The following ATP7B variants were observed in gnomAD, a reference collection of about 807,000 sequenced individuals.
ATP7B encodes ATPase copper transporting beta.
In ATP7B, 113 loss-of-function variants were observed where a neutral mutation model predicts 118.9. The observed-to-expected ratio is 0.95, with a 90% confidence interval of 0.82 to 1.11. The LOEUF is 1.11. ATP7B is among the 50% of genes most tolerant of loss of function. The pLI is 0.00. For missense variants in ATP7B, 1,867 were observed against 1,871.4 expected, an observed-to-expected ratio of 1.00 and a Z score of 0.04; for synonymous variants, 777 against 727.4, an observed-to-expected ratio of 1.07 and a Z score of -1.10.
intron 17 of ATP7B, among the ~76,000 whole-genome samples, chr13:51,938,505 A>T (rs552219158): frequency 8.5e-4 from 130 of 152,390 alleles, no homozygotes; most frequent in African/African-American, 3.0e-3. Context: ...CTCAAGGAAC[A>T]CAATTAAGCT....
chr13:51,958,502 G>C lies in ATP7B; in HGVS notation c.2164C>G (p.Leu722Val). 1 of 1,614,226 alleles carries C rather than the reference G, an allele frequency of 6.2e-7. No individual in the cohort carries two copies. Among genetic ancestry groups the C allele is most frequent in the Non-Finnish European group, 8.5e-7 (1 of 1,180,044 alleles). ...WYFYVQAYKSLRHRSANMDVL... is the reference protein window; with the variant it reads ...WYFYVQAYKSVRHRSANMDVL... The stretch of plus-strand genomic sequence containing the variant: ...TCCATGTTGGCTGACCTGTGTCTCA[G>C]AGATTTGTAGGCCTGAACGTAGAAG... Residue 722 changes from leucine to valine, a missense_variant, in exon 8 of 21, where the codon CTG becomes GTG. Leu to Val is a conservative substitution (Grantham distance 32, BLOSUM62 1). Coordinates refer to ENST00000242839, the MANE Select transcript of ATP7B (RefSeq NM_000053.4).
In ATP7B at chr13:51,957,534, T is replaced by C; in HGVS notation, c.2429A>G (p.Glu810Gly). The change falls in exon 9 of 21, where the codon GAG becomes GGG. Residue 810 changes from glutamate to glycine, a missense_variant. Transcript: ENST00000242839. ...AACTCACCTGATGATTAAATTGTCC[T>C]CACCAAGGGTCACAACGGTGGCTTC... is the stretch of plus-strand genomic sequence containing the variant. ...ATEATVVTLG[E>G]DNLIIREEQV... 6.2e-7 allele frequency: 1 copy of C among 1,614,090 alleles called. No individual in the cohort carries two copies. The highest frequency in any genetic ancestry group is 8.5e-7 in the Non-Finnish European group (1 of 1,179,924).
rs370285520 is a variant in ATP7B at position 51,934,815 on chromosome 13, C to T, written c.4339G>A (p.Asp1447Asn). Residue 1447 changes from aspartate to asparagine, a missense_variant, in exon 21 of 21, where the codon GAT becomes AAT. Physicochemically the swap from Asp to Asn is conservative, Grantham distance 23. Coordinates refer to ENST00000242839, the MANE Select transcript of ATP7B (RefSeq NM_000053.4). ...AGCAGAGACCACTTGTCCCCATCAT[C>T]GTCTGCTGCAGCGCTGTGCCGAGAT... Reference protein sequence around the residue: ...KPSRHSAAADDDGDKWSLLLN... With the variant: ...KPSRHSAAADNDGDKWSLLLN... 18 of 1,614,080 alleles carry T rather than the reference C, an allele frequency of 1.1e-5. No individual in the cohort carries two copies. Among genetic ancestry groups the T allele is most frequent in the African/African-American group, 2.7e-5 (2 of 74,952 alleles).
chr13:51,961,015 T>C (rs1593736329), intron 6 of ATP7B, among the ~76,000 whole-genome samples: 1 of 152,002 alleles, frequency 6.6e-6, no homozygotes, highest in Non-Finnish European at 1.5e-5. Context: ...CAACTGGCTG[T>C]TCAGATGCCT....
chr13:51,988,634 T>C (rs1952771022), intron 1 of ATP7B, among the ~76,000 whole-genome samples: 1 of 152,116 alleles, frequency 6.6e-6, no homozygotes, highest in African/African-American at 2.4e-5. Flanking sequence ...CTACTCACAA[T>C]AGCAAAGACT....
intron 1 of ATP7B, among the ~76,000 whole-genome samples, chr13:51,977,250 T>G (rs546328105): frequency 6.6e-6 from 1 of 152,198 alleles, no homozygotes; most frequent in African/African-American, 2.4e-5. Context: ...TTTTTTACTT[T>G]CGACTCTTTT....
chr13:51,943,627 A>G (rs767686171), intron 14 of ATP7B, among the ~76,000 whole-genome samples: 1 of 152,154 alleles, frequency 6.6e-6, no homozygotes, highest in East Asian at 1.9e-4. Flanking sequence ...AAAGAAGGCA[A>G]TGCTTCTCCA....
chr13:51,998,141 C>T (rs765858105), intron 1 of ATP7B, among the ~76,000 whole-genome samples: 1 of 152,174 alleles, frequency 6.6e-6, no homozygotes, highest in Non-Finnish European at 1.5e-5. Context: ...CAGCTCTCTC[C>T]CTTATCTGAA....
chr13:51,947,087 T>C (rs1346717004), intron 12 of ATP7B, among the ~76,000 whole-genome samples: 1 of 152,172 alleles, frequency 6.6e-6, no homozygotes, highest in Non-Finnish European at 1.5e-5. Context: ...TTAATTAAAC[T>C]GTAGGTGTGA....
In ATP7B at chr13:51,958,534, C is replaced by T. The variant is rs2139545313; in HGVS notation, c.2132G>A (p.Gly711Glu). The change falls in exon 8 of 21, where the codon GGG becomes GAG. Residue 711 changes from glycine (G) to glutamate (E), a missense_variant. Physicochemically the swap from Gly to Glu is moderately conservative, Grantham distance 98 (BLOSUM62 -2). Transcript: ENST00000242839. Reference protein sequence around the residue: ...ILCTFVQLLGGWYFYVQAYKS... With the variant: ...ILCTFVQLLGEWYFYVQAYKS... Reference sequence around the variant, plus strand: ...GTAGGCCTGAACGTAGAAGTACCACCCACCGAGGAGCTGAAAGACAAGGAC... The same window carrying T: ...GTAGGCCTGAACGTAGAAGTACCACTCACCGAGGAGCTGAAAGACAAGGAC... 1 of 1,614,144 alleles carries T rather than the reference C, an allele frequency of 6.2e-7. No homozygotes were observed. The highest frequency in any genetic ancestry group is 8.5e-7 in the Non-Finnish European group (1 of 1,179,994).
chr13:51,957,750 C>G, intron 8 of ATP7B, 143 bp from the exon 9 acceptor site: 1 of 742,776 alleles, frequency 1.3e-6, no homozygotes, highest in South Asian at 1.5e-5. Flanking sequence ...TGCAGGTGGG[C>G]GTTACTTGCT....
chr13:52,001,621 C>G (rs149488551), intron 1 of ATP7B, among the ~76,000 whole-genome samples: 1 of 152,278 alleles, frequency 6.6e-6, no homozygotes, highest in African/African-American at 2.4e-5. Flanking sequence ...TGATTTCCCC[C>G]AAATGATCCC....
chr13:52,001,136 C>T (rs1953473090), intron 1 of ATP7B, among the ~76,000 whole-genome samples: 1 of 152,192 alleles, frequency 6.6e-6, no homozygotes, highest in Non-Finnish European at 1.5e-5. Context: ...ATGCATCCAG[C>T]ATCTAATGAC....
intron 1 of ATP7B, among the ~76,000 whole-genome samples, chr13:51,999,585 A>C (rs1366617624): frequency 6.6e-6 from 1 of 152,228 alleles, no homozygotes. Context: ...CAATGTTTCC[A>C]TTTCACAGTT....
intron 16 of ATP7B, among the ~76,000 whole-genome samples, chr13:51,939,540 C>T (rs999431059): frequency 5.9e-5 from 9 of 152,202 alleles, no homozygotes; most frequent in African/African-American, 2.2e-4. Context: ...TACACATTAG[C>T]TACTAAAATT....
At chr13:51,947,672 T>C (rs1316167939) in intron 12 of ATP7B, among the ~76,000 whole-genome samples, 2 of 152,228 alleles carry the variant, frequency 1.3e-5, no homozygotes, top group Non-Finnish European at 2.9e-5. Context: ...GAGGGATATA[T>C]TAAGATTTTT....
chr13:51,969,007 C>T (rs974380943), intron 3 of ATP7B, among the ~76,000 whole-genome samples: 4 of 151,342 alleles, frequency 2.6e-5, no homozygotes, highest in Admixed American at 2.6e-4. Flanking sequence ...GTTACAGGTG[C>T]GTGCCACCAT....
intron 12 of ATP7B, among the ~76,000 whole-genome samples, chr13:51,949,195 TAAAC>T (rs1452829612): frequency 6.6e-6 from 1 of 151,810 alleles, no homozygotes; most frequent in Non-Finnish European, 1.5e-5. Context: ...AATAAATAAA[TAAAC>T]AAACAAACAT....
intron 5 of ATP7B, among the ~76,000 whole-genome samples, chr13:51,962,155 T>C (rs1229438160): frequency 6.6e-6 from 1 of 152,206 alleles, no homozygotes; most frequent in Non-Finnish European, 1.5e-5. Flanking sequence ...TGCTGACTTA[T>C]AATTTAAACT....
Sources: allele counts gnomAD v4.1 joint callset (sites outside exome capture counted in the v4.1 genomes callset), GRCh38; gene constraint gnomAD v4.1.1; transcripts MANE v1.5; gene names NCBI Gene and HGNC (gene_info 2026-07-23, HGNC 2026-07-21).